ZBTB5: variants seen among roughly 807,000 people sequenced by gnomAD.
ZBTB5 encodes the protein zinc finger and BTB domain-containing protein 5.
Under a neutral mutation model 37.9 loss-of-function variants are expected in ZBTB5, and 15 were observed. The observed-to-expected ratio is 0.40, with a 90% CI of 0.26 to 0.61. The LOEUF (loss-of-function observed/expected upper bound fraction) is 0.61. Among genes scored for constraint, ZBTB5 ranks in the 20% least tolerant of loss-of-function variants. The pLI, the probability that ZBTB5 is intolerant of heterozygous loss-of-function variation, is 0.47. For missense variants in ZBTB5, 708 were observed against 856.8 expected (o/e 0.83, Z 2.17); for synonymous variants, 315 against 312.4 (o/e 1.01, Z -0.09).
chr9:37,464,899 A>T (rs759940350), intron 1 of ZBTB5, among the ~76,000 whole-genome samples: 8 of 152,178 alleles, frequency 5.3e-5, no homozygotes, highest in Non-Finnish European at 8.8e-5. Context: ...TCATCCCGCC[A>T]GGCCGCTGGT....
chr9:37,449,694 CAAAAA>C (rs60696023), intron 1 of ZBTB5, among the ~76,000 whole-genome samples: 1 of 50,084 alleles, frequency 2.0e-5, no homozygotes. Context: ...ATGAGACTCT[CAAAAA>C]AAAAAAAAAA....
rs2118923874 is a variant in ZBTB5, at chr9:37,438,595, G to C, written c.*1923C>G. 1 of 152,388 alleles carries C rather than the reference G, an allele frequency of 6.6e-6. No homozygotes were observed. Among genetic ancestry groups the C allele is most frequent in the South Asian group, 2.1e-4 (1 of 4,830 alleles). The allele number at this position is 152,388 out of a possible 1,614,324, so 9.4% of individuals were successfully genotyped here. ...ACCTCCTCCAAATGGAAGGGAAGGA[G>C]GGCTGCACCGCTCTGCCTGTGTCAC... On this transcript the variant is annotated 3_prime_UTR_variant, in exon 2 of 2. Transcript: ENST00000307750.
At chr9:37,444,663 A>T (rs993631882) in intron 1 of ZBTB5, among the ~76,000 whole-genome samples, 2 of 152,270 alleles carry the variant, frequency 1.3e-5, no homozygotes, top group Non-Finnish European at 2.9e-5. Flanking sequence ...AAAAGCTAGA[A>T]GATGACAGTT....
At position 37,465,402 on chromosome 9, in the gene ZBTB5, C is replaced by G. The variant is rs527956574; in HGVS notation, c.-192G>C. On this transcript the variant is annotated 5_prime_UTR_variant, in exon 1 of 2. Coordinates refer to ENST00000307750, the MANE Select transcript of ZBTB5 (RefSeq NM_014872.3). Reference sequence around the variant, plus strand: ...CCTAGCTCCTCCAGCCAGTTCGCCGCAGCACTCTGAGAACACGGCGGCGGC... The same window carrying G: ...CCTAGCTCCTCCAGCCAGTTCGCCGGAGCACTCTGAGAACACGGCGGCGGC... The G allele has an allele frequency of 6.6e-6, 1 of 151,616 alleles. No individual in the cohort carries two copies. Among genetic ancestry groups the G allele is most frequent in the African/African-American group, 2.4e-5 (1 of 41,210 alleles). 9.4% of individuals were successfully genotyped at this position (151,616 alleles called of 1,614,324 possible). A position where few individuals can be genotyped will look rare whatever the true frequency, so the allele number is the denominator to read the frequency against.
In ZBTB5 at chr9:37,442,136, CG is replaced by C; in HGVS notation, c.415del (p.Arg139AlafsTer13). ...PSERVQEQSARMQRSFMLQQL... is the reference protein window; with the variant it reads ...PSERVQEQSAXMQRSFMLQQL... ...CTGTAGCATAAAGGAGCGCTGCATG[CG>C]GGCGCTCTGCTCCTGAACGCGCTCA... is the stretch of plus-strand genomic sequence containing the variant. On this transcript the variant is annotated frameshift_variant, in exon 2 of 2. Transcript: ENST00000307750. LOFTEE classifies it high-confidence loss of function. 6.2e-7 allele frequency: 1 copy of C among 1,614,148 alleles called. No individual in the cohort carries two copies. The highest frequency in any genetic ancestry group is 8.5e-7 in the Non-Finnish European group (1 of 1,180,026).
chr9:37,450,344 A>G (rs1274490117), intron 1 of ZBTB5, among the ~76,000 whole-genome samples: 2 of 152,208 alleles, frequency 1.3e-5, no homozygotes, highest in Non-Finnish European at 2.9e-5. Flanking sequence ...TTGTATCATT[A>G]TAAAAAGTTC....
At chr9:37,449,629 G>A (rs901705477) in intron 1 of ZBTB5, among the ~76,000 whole-genome samples, 90 of 150,646 alleles carry the variant, frequency 6.0e-4, no homozygotes, top group Middle Eastern at 3.2e-3. Flanking sequence ...AACCCAGGAG[G>A]TGGAGGTTGC....
At chr9:37,452,636 C>A (rs1824124042) in intron 1 of ZBTB5, among the ~76,000 whole-genome samples, 1 of 152,088 alleles carries the variant, frequency 6.6e-6, no homozygotes, top group African/African-American at 2.4e-5. Context: ...GAAGCAGCAG[C>A]CAAGTAAAGG....
chr9:37,464,431 T>A (rs1426760680), intron 1 of ZBTB5, among the ~76,000 whole-genome samples: 1 of 152,204 alleles, frequency 6.6e-6, no homozygotes, highest in Non-Finnish European at 1.5e-5. Flanking sequence ...TTCCTCCAAA[T>A]TATTTAGGAT....
rs201473141 is a variant in ZBTB5 at position 37,441,108 on chromosome 9, T to C, written c.1444A>G (p.Met482Val). ...EPADSHFVRP[M>V]QEVMGLPCVQ... ...CACGGCAGGCCCATCACCTCCTGCA[T>C]AGGCCTGACGAAGTGGGAGTCTGCA... is the stretch of plus-strand genomic sequence containing the variant. Residue 482 changes from methionine (M) to valine (V), a missense_variant, in exon 2 of 2, where the codon ATG becomes GTG. Around this residue, in one of 3 missense-constraint regions of ZBTB5, gnomAD observed 639 missense variants for 690.5 expected, o/e 0.93. Transcript: ENST00000307750. The C allele has an allele frequency of 1.7e-4, 268 of 1,613,962 alleles. No homozygotes were observed. Among genetic ancestry groups the C allele is most frequent in the Admixed American group, 7.2e-4 (43 of 59,982 alleles).
Position 37,441,519 on chromosome 9 carries a change from C to A in ZBTB5, c.1033G>T (p.Asp345Tyr). ...SSPEPQDEVS[D>Y]VTSQAEGSES... ...CTGCCTTCTGCTTGTGAGGTCACAT[C>A]GCTCACTTCATCCTGAGGCTCAGGT... The change falls in exon 2 of 2, where the codon GAT becomes TAT. Residue 345 changes from aspartate (D) to tyrosine (Y), a missense_variant. This residue lies in a region of ZBTB5 where 639 missense variants were observed against 690.5 expected (regional missense o/e 0.93). Transcript: ENST00000307750. 1.9e-6 allele frequency: 3 copies of A among 1,613,016 alleles called. No individual in the cohort carries two copies. The highest frequency in any genetic ancestry group is 1.7e-5 in the Admixed American group (1 of 59,890).
At chr9:37,459,851 C>G (rs555392314) in intron 1 of ZBTB5, among the ~76,000 whole-genome samples, 1 of 151,654 alleles carries the variant, frequency 6.6e-6, no homozygotes, top group South Asian at 2.1e-4. Context: ...GCTGGGACTA[C>G]GGGCGCCCGC....
Position 37,441,212 on chromosome 9 carries a change from A to ATT in ZBTB5, c.1339_1340insAA (p.Leu447Ter). ...DCRLESEAPY[L>*]LSPEAGPAGG... Reference sequence around the variant, plus strand: ...TGCAGGCCCAGCCTCTGGACTCAACAAATAGGGGGCCTCACTCTCCAGCCT... The same window carrying ATT: ...TGCAGGCCCAGCCTCTGGACTCAACATTAATAGGGGGCCTCACTCTCCAGCCT... The change falls in exon 2 of 2, where the codon TTG (leucine) becomes TAATG (stop). Residue 447 changes from leucine (L) to a stop codon, truncating the protein, a stop_gained and frameshift_variant. Transcript: ENST00000307750. LOFTEE classifies it high-confidence loss of function. 6.2e-7 allele frequency: 1 copy of ATT among 1,614,118 alleles called. No homozygotes were observed. The highest frequency in any genetic ancestry group is 1.1e-5 in the South Asian group (1 of 91,064).
chr9:37,461,067 A>G (rs117470075), intron 1 of ZBTB5, among the ~76,000 whole-genome samples: 3,822 of 152,284 alleles, frequency 0.025, 94 homozygotes, highest in Non-Finnish European at 0.035. Context: ...TATCAAATCA[A>G]TAATGCTCAG....
chr9:37,446,127 A>T (rs1193031338), intron 1 of ZBTB5, among the ~76,000 whole-genome samples: 1 of 152,228 alleles, frequency 6.6e-6, no homozygotes, highest in Non-Finnish European at 1.5e-5. Context: ...ATACATAAAA[A>T]TGTATACACA....
chr9:37,463,617 A>AT (rs1191129617), intron 1 of ZBTB5, among the ~76,000 whole-genome samples: 2 of 152,152 alleles, frequency 1.3e-5, no homozygotes, highest in African/African-American at 4.8e-5. Flanking sequence ...TATCCCAGTG[A>AT]TTTTTTATTA....
intron 1 of ZBTB5, among the ~76,000 whole-genome samples, chr9:37,457,366 T>C (rs1260851544): frequency 6.6e-6 from 1 of 152,156 alleles, no homozygotes; most frequent in East Asian, 1.9e-4. Flanking sequence ...TCCCAAATAC[T>C]GGTACTACAG....
chr9:37,456,727 T>G (rs1259389493), intron 1 of ZBTB5, among the ~76,000 whole-genome samples: 1 of 152,228 alleles, frequency 6.6e-6, no homozygotes, highest in Non-Finnish European at 1.5e-5. Flanking sequence ...AAACAGCTTA[T>G]TGAGGGCAGG....
At chr9:37,446,740 G>C (rs1317896814) in intron 1 of ZBTB5, among the ~76,000 whole-genome samples, 5 of 152,234 alleles carry the variant, frequency 3.3e-5, no homozygotes, top group Admixed American at 1.3e-4. Flanking sequence ...CAGAGCTTAA[G>C]GCTTTGGGGA....
Sources: gnomAD v4.1 joint callset for allele counts (sites outside exome capture counted in the v4.1 genomes callset) on GRCh38, gnomAD v4.1.1 for gene constraint, gnomAD v4.1.1 regional missense constraint, MANE v1.5 for transcripts, NCBI Gene and HGNC (gene_info 2026-07-23, HGNC 2026-07-21) for gene names.